Variants in AP4E1 observed in about 807,000 individuals in gnomAD.
AP4E1 encodes adaptor related protein complex 4 subunit epsilon 1, also known as AP-4 complex subunit epsilon-1.
Under a neutral mutation model 128.2 loss-of-function variants are expected in AP4E1, and 56 were observed. The ratio of observed to expected loss-of-function variants is 0.44; its 90% CI spans 0.35 to 0.55. AP4E1 has a LOEUF of 0.55. Ranked by LOEUF, AP4E1 falls within the 20% of genes least tolerant of loss-of-function variation. AP4E1 has a pLI of 0.00. For missense variants in AP4E1, 1,324 were observed against 1,307.7 expected (o/e 1.01, Z -0.19); for synonymous variants, 484 against 473.1 (o/e 1.02, Z -0.30).
chr15:50,928,202 G>T (rs965316876), intron 5 of AP4E1, among the ~76,000 whole-genome samples: 1 of 152,154 alleles, frequency 6.6e-6, no homozygotes, highest in Non-Finnish European at 1.5e-5. Flanking sequence ...AATATTTGGA[G>T]TCTGCTATCC....
At chr15:50,963,957 A>G (rs929456361) in intron 14 of AP4E1, among the ~76,000 whole-genome samples, 1 of 152,228 alleles carries the variant, frequency 6.6e-6, no homozygotes, top group Non-Finnish European at 1.5e-5. Flanking sequence ...ATTTAGAATC[A>G]GTACTGGATT....
chr15:50,937,146 A>G (rs2063918265), intron 8 of AP4E1, among the ~76,000 whole-genome samples: 1 of 152,216 alleles, frequency 6.6e-6, no homozygotes, highest in Non-Finnish European at 1.5e-5. Flanking sequence ...AGTATTTGCT[A>G]GCAATCCTGA....
At chr15:50,970,089 C>T (rs1011700313) in intron 15 of AP4E1, among the ~76,000 whole-genome samples, 3 of 152,088 alleles carry the variant, frequency 2.0e-5, no homozygotes, top group Non-Finnish European at 4.4e-5. Context: ...CCTATTCTTC[C>T]CTTACCCCTA....
chr15:50,923,254 G>A (rs1180079250), intron 3 of AP4E1, among the ~76,000 whole-genome samples: 4 of 152,102 alleles, frequency 2.6e-5, no homozygotes, highest in Non-Finnish European at 5.9e-5. Flanking sequence ...ATATGTACAT[G>A]GCATTTGTTA....
At chr15:50,994,325 T>A (rs2064843059) in intron 17 of AP4E1, among the ~76,000 whole-genome samples, 1 of 152,184 alleles carries the variant, frequency 6.6e-6, no homozygotes, top group South Asian at 2.1e-4. Context: ...TAATGTATCC[T>A]CCTTTTGGTG....
At chr15:50,929,433 G>C (rs1457058877) in intron 6 of AP4E1, among the ~76,000 whole-genome samples, 1 of 149,410 alleles carries the variant, frequency 6.7e-6, no homozygotes, top group Non-Finnish European at 1.5e-5. Flanking sequence ...GGTGTCTTAA[G>C]TTTGCAGATT....
intron 17 of AP4E1, among the ~76,000 whole-genome samples, chr15:50,994,051 G>T (rs987502204): frequency 1.3e-5 from 2 of 152,120 alleles, no homozygotes; most frequent in African/African-American, 4.8e-5. Flanking sequence ...ACATTATTCA[G>T]CTCTAAGAAT....
At chr15:50,948,892 A>C (rs1257533891) in intron 11 of AP4E1, among the ~76,000 whole-genome samples, 1 of 151,836 alleles carries the variant, frequency 6.6e-6, no homozygotes, top group East Asian at 1.9e-4. Context: ...GAATCGCTTG[A>C]AACTGGGAGG....
Position 50,948,082 on chromosome 15 carries a change from G to C in AP4E1, c.1239G>C (p.Met413Ile). The C allele has an allele frequency of 6.2e-7, 1 of 1,613,248 alleles. No homozygotes were observed. Among genetic ancestry groups the C allele is most frequent in the East Asian group, 2.2e-5 (1 of 44,838 alleles). The change falls in exon 11 of 21, where the codon ATG becomes ATC. Residue 413 changes from methionine (M) to isoleucine (I), a missense_variant. Coordinates refer to ENST00000261842, the MANE Select transcript of AP4E1 (RefSeq NM_007347.5). ...AQNITVIVQK[M>I]LEYLHQSKEE... ...ATATAACAGTTATTGTCCAGAAAAT[G>C]CTTGAATATTTACATCAGAGCAAAG...
chr15:50,981,001 A>C (rs997975348), intron 15 of AP4E1, among the ~76,000 whole-genome samples: 2 of 152,162 alleles, frequency 1.3e-5, no homozygotes, highest in East Asian at 3.9e-4. Context: ...GAAAGCCCCT[A>C]CTAGGGCAAT....
At chr15:50,956,676 TG>T (rs1349851194) in intron 13 of AP4E1, among the ~76,000 whole-genome samples, 8 of 152,254 alleles carry the variant, frequency 5.3e-5, no homozygotes, top group African/African-American at 1.4e-4. Context: ...AAGAGCAGCA[TG>T]GGGGAAACTG....
intron 16 of AP4E1, among the ~76,000 whole-genome samples, chr15:50,989,153 T>C (rs916076646): frequency 6.6e-6 from 1 of 152,224 alleles, no homozygotes; most frequent in Non-Finnish European, 1.5e-5. Context: ...TTTTGATCAA[T>C]ATTCTGATGC....
chr15:50,918,649 G>GT (rs1173528867), intron 3 of AP4E1, among the ~76,000 whole-genome samples: 1 of 151,870 alleles, frequency 6.6e-6, no homozygotes, highest in Admixed American at 6.6e-5. Flanking sequence ...ATTTTCATTA[G>GT]TTTCTGATTA....
At chr15:50,928,976 T>G in intron 5 of AP4E1, 33 bp from the exon 6 acceptor site, 2 of 1,607,890 alleles carry the variant, frequency 1.2e-6, no homozygotes, top group Non-Finnish European at 1.7e-6. Flanking sequence ...AGAATTCAGA[T>G]TGTCTTGTTT....
At chr15:50,982,933 T>C (rs2064662830) in intron 15 of AP4E1, among the ~76,000 whole-genome samples, 1 of 152,196 alleles carries the variant, frequency 6.6e-6, no homozygotes, top group Non-Finnish European at 1.5e-5. Context: ...AAAATGAGAA[T>C]AGTAATTACA....
intron 13 of AP4E1, among the ~76,000 whole-genome samples, chr15:50,957,461 G>A (rs1333074932): frequency 2.0e-5 from 3 of 152,038 alleles, no homozygotes; most frequent in African/African-American, 7.2e-5. Flanking sequence ...GCCATGGGTG[G>A]TTTAGGAAAA....
chr15:50,962,734 A>C (rs558583643), intron 14 of AP4E1, among the ~76,000 whole-genome samples: 1 of 152,100 alleles, frequency 6.6e-6, no homozygotes, highest in South Asian at 2.1e-4. Flanking sequence ...CAGGCAAAAA[A>C]GACAAAAATG....
intron 15 of AP4E1, among the ~76,000 whole-genome samples, chr15:50,973,697 T>C (rs1211170337): frequency 6.6e-6 from 1 of 152,218 alleles, no homozygotes; most frequent in African/African-American, 2.4e-5. Context: ...TTATTTCACT[T>C]AGCATAATAT....
intron 18 of AP4E1, among the ~76,000 whole-genome samples, chr15:50,998,771 T>C (rs989200488): frequency 6.6e-6 from 1 of 152,214 alleles, no homozygotes; most frequent in African/African-American, 2.4e-5. Context: ...TTAAATTCTT[T>C]TAAAAATTAT....
Sources: allele counts gnomAD v4.1 joint callset (sites outside exome capture counted in the v4.1 genomes callset), GRCh38; gene constraint gnomAD v4.1.1; transcripts MANE v1.5; gene names NCBI Gene and HGNC (gene_info 2026-07-23, HGNC 2026-07-21).